Variants in STK33 observed in about 807,000 individuals in gnomAD.
STK33 encodes serine/threonine-protein kinase 33.
A neutral mutation model predicts 58.0 loss-of-function variants in STK33; 52 were observed. The observed-to-expected ratio is 0.90, with a 90% CI of 0.72 to 1.13. STK33 has a LOEUF of 1.13. STK33 is among the 50% of genes most tolerant of loss of function. The pLI is 0.00. For missense variants in STK33, 630 were observed against 604.2 expected, an observed-to-expected ratio of 1.04 and a Z score of -0.45; for synonymous variants, 215 against 200.1, an observed-to-expected ratio of 1.07 and a Z score of -0.63.
chr11:8,483,845 T>C (rs932648150), intron 1 of STK33, among the ~76,000 whole-genome samples: 1 of 152,226 alleles, frequency 6.6e-6, no homozygotes. Context: ...AGGATGCTTC[T>C]CACTGTAACT....
At chr11:8,494,350 A>T (rs1305931462) in intron 1 of STK33, among the ~76,000 whole-genome samples, 7 of 152,270 alleles carry the variant, frequency 4.6e-5, no homozygotes, top group South Asian at 2.1e-4. Context: ...CACAATTGCT[A>T]CAAAGAGAAT....
At chr11:8,480,057 C>T (rs1052801441) in intron 2 of STK33, among the ~76,000 whole-genome samples, 6 of 152,110 alleles carry the variant, frequency 3.9e-5, no homozygotes, top group African/African-American at 1.2e-4. Context: ...GAAGAGATAT[C>T]TCAAAGGGAA....
At chr11:8,444,377 C>A (rs1331965053) in intron 11 of STK33, among the ~76,000 whole-genome samples, 2 of 152,068 alleles carry the variant, frequency 1.3e-5, no homozygotes, top group Non-Finnish European at 1.5e-5. Context: ...TCTAAAACAT[C>A]AGATTTATAA....
At chr11:8,350,235 C>T in the STK33 span, among the ~76,000 whole-genome samples, 3 of 152,208 alleles carry the variant, frequency 2.0e-5, no homozygotes, top group Admixed American at 6.5e-5. Flanking sequence ...TCTACACCCA[C>T]GCTGGGATGC....
the STK33 span, among the ~76,000 whole-genome samples, chr11:8,371,035 T>C: frequency 1.3e-4 from 20 of 151,762 alleles, no homozygotes; most frequent in African/African-American, 4.6e-4. Flanking sequence ...TGGAGGGCTG[T>C]TGGGGGCTGA....
chr11:8,425,442 T>C (rs1200679804), intron 14 of STK33, among the ~76,000 whole-genome samples: 1 of 152,252 alleles, frequency 6.6e-6, no homozygotes, highest in Non-Finnish European at 1.5e-5. Context: ...TTTATTCTTT[T>C]GGCTTAGGGC....
At chr11:8,430,446 T>A (rs1382069699) in intron 14 of STK33, among the ~76,000 whole-genome samples, 1 of 152,028 alleles carries the variant, frequency 6.6e-6, no homozygotes, top group African/African-American at 2.4e-5. Context: ...GGAAGAAGAA[T>A]TGTCTTAGGC....
chr11:8,420,466 G>A (rs1343933298), intron 14 of STK33, among the ~76,000 whole-genome samples: 1 of 152,150 alleles, frequency 6.6e-6, no homozygotes, highest in East Asian at 1.9e-4. Flanking sequence ...CGAATTGCCT[G>A]CCAAGAATTT....
chr11:8,398,904 C>A (rs11530479), intron 15 of STK33, among the ~76,000 whole-genome samples: 64,617 of 151,804 alleles, frequency 0.43, 14,447 homozygotes, highest in East Asian at 0.61. Flanking sequence ...ATCAATTCAA[C>A]AAGAAGAGCT....
chr11:8,425,257 T>G (rs1212202224), intron 14 of STK33, among the ~76,000 whole-genome samples: 1 of 152,204 alleles, frequency 6.6e-6, no homozygotes, highest in African/African-American at 2.4e-5. Context: ...TTTCCCCATT[T>G]CTTGTTTTTG....
chr11:8,506,267 A>G (rs1322646806), intron 1 of STK33, among the ~76,000 whole-genome samples: 7 of 152,222 alleles, frequency 4.6e-5, no homozygotes, highest in Non-Finnish European at 1.5e-5. Context: ...TCTCAAGGCT[A>G]AACAGTTTCA....
At chr11:8,560,636 C>T (rs1957058145) in intron 1 of STK33, among the ~76,000 whole-genome samples, 1 of 152,230 alleles carries the variant, frequency 6.6e-6, no homozygotes, top group African/African-American at 2.4e-5. Context: ...GCCTTCTCTG[C>T]CCCAAGATTA....
In STK33 at chr11:8,482,799, G is replaced by C. The variant is rs192567222; in HGVS notation, c.-465-2185C>G. On this transcript the variant is annotated intron_variant, in intron 1 of 15. Coordinates refer to ENST00000687296, the MANE Select transcript of STK33 (RefSeq NM_001352389.2). ...GGCTGGAGTGCAGTGGCGTGATCTCGGCTCACTGCAAGCTCCACCTCCCGG... is the reference window on the plus strand; with the variant it reads ...GGCTGGAGTGCAGTGGCGTGATCTCCGCTCACTGCAAGCTCCACCTCCCGG... Among the ~76,000 whole-genome samples, 634 of 151,318 alleles carry C rather than the reference G, an allele frequency of 4.2e-3. 3 individuals carry two copies. Among genetic ancestry groups the C allele is most frequent in the African/African-American group, 0.015 (603 of 41,224 alleles).
the STK33 span, among the ~76,000 whole-genome samples, chr11:8,339,963 T>C: frequency 6.6e-6 from 1 of 152,220 alleles, no homozygotes; most frequent in African/African-American, 2.4e-5. Flanking sequence ...GGTGAGCTTG[T>C]GCAGAACCCG....
intron 14 of STK33, among the ~76,000 whole-genome samples, chr11:8,431,533 C>T (rs1397130868): frequency 1.3e-5 from 2 of 152,168 alleles, no homozygotes. Flanking sequence ...AAGCAAAGTA[C>T]AGACTTACTT....
At chr11:8,515,897 G>A (rs112926472) in intron 1 of STK33, among the ~76,000 whole-genome samples, 125 of 152,314 alleles carry the variant, frequency 8.2e-4, no homozygotes, top group African/African-American at 2.7e-3. Context: ...ACTCAAAGGC[G>A]TAAAACTGAA....
the STK33 span, among the ~76,000 whole-genome samples, chr11:8,351,611 TCGA>T: frequency 6.6e-6 from 1 of 152,208 alleles, no homozygotes; most frequent in South Asian, 2.1e-4. Context: ...ATTCCATCTC[TCGA>T]CACCATTTGA....
intron 1 of STK33, among the ~76,000 whole-genome samples, chr11:8,518,528 A>G (rs974860153): frequency 4.6e-5 from 7 of 152,330 alleles, no homozygotes; most frequent in African/African-American, 7.2e-5. Context: ...AAATGCCCCA[A>G]TTGAAAGACA....
chr11:8,438,898 T>C (rs931806907), intron 12 of STK33, among the ~76,000 whole-genome samples: 1 of 152,192 alleles, frequency 6.6e-6, no homozygotes, highest in Admixed American at 6.5e-5. Context: ...TTTGAATACT[T>C]TTATACTTTA....
Sources: allele counts gnomAD v4.1 joint callset (sites outside exome capture counted in the v4.1 genomes callset), GRCh38; gene constraint gnomAD v4.1.1; transcripts MANE v1.5; gene names NCBI Gene and HGNC (gene_info 2026-07-23, HGNC 2026-07-21).